The following GNG4 variants were observed in gnomAD, a reference collection of about 807,000 sequenced individuals.
GNG4 encodes guanine nucleotide-binding protein G(I)/G(S)/G(O) subunit gamma-4.
GNG4 carries 4 observed loss-of-function variants against 5.8 expected under a neutral mutation model. The ratio of observed to expected loss-of-function variants is 0.69; its 90% CI spans 0.34 to 1.57. The LOEUF (loss-of-function observed/expected upper bound fraction) is 1.57, where lower values mean the gene tolerates loss of function less well. Ranked by LOEUF, GNG4 falls within the 40% of genes most tolerant of loss-of-function variation. The pLI is 0.06. For missense variants in GNG4, 96 were observed against 95.1 expected (o/e 1.01, Z -0.04); for synonymous variants, 29 against 32.9 (o/e 0.88, Z 0.41).
intron 1 of GNG4, among the ~76,000 whole-genome samples, chr1:235,632,476 A>C (rs148651469): frequency 9.8e-5 from 15 of 152,360 alleles, no homozygotes; most frequent in South Asian, 2.1e-4. Context: ...CCTTACAAGT[A>C]CAAACAGAGA....
intron 3 of GNG4, among the ~76,000 whole-genome samples, chr1:235,579,963 C>T (rs146141154): frequency 1.5e-3 from 226 of 152,146 alleles, no homozygotes; most frequent in African/African-American, 5.3e-3. Flanking sequence ...ACCTGCACAC[C>T]CATGTTCCTA....
At chr1:235,624,706 G>C (rs961993515) in intron 1 of GNG4, among the ~76,000 whole-genome samples, 1 of 152,110 alleles carries the variant, frequency 6.6e-6, no homozygotes. Flanking sequence ...GTGCAATTTT[G>C]CTTCTCATTT....
At chr1:235,624,988 C>T (rs1688780211) in intron 1 of GNG4, among the ~76,000 whole-genome samples, 1 of 152,178 alleles carries the variant, frequency 6.6e-6, no homozygotes, top group Non-Finnish European at 1.5e-5. Context: ...GGAACCACAG[C>T]CTGCTGAGGA....
chr1:235,614,640 G>A (rs987870318), intron 1 of GNG4: 8 of 152,422 alleles, frequency 5.2e-5, no homozygotes, highest in African/African-American at 1.9e-4. Flanking sequence ...GCTGCATGGG[G>A]GTGGCTGCTG....
chr1:235,643,670 T>C (rs540625991), intron 1 of GNG4, among the ~76,000 whole-genome samples: 2 of 152,256 alleles, frequency 1.3e-5, no homozygotes, highest in African/African-American at 2.4e-5. Flanking sequence ...AGTCCTTCCA[T>C]AGCACCCAGT....
At chr1:235,628,993 A>ATTTTTTTTTTTTTTTTTTTTGTT (rs1054950474) in intron 1 of GNG4, among the ~76,000 whole-genome samples, 1 of 118,364 alleles carries the variant, frequency 8.4e-6, no homozygotes. Flanking sequence ...ATTTGCTTGA[A>ATTTTTTTTTTTTTTTTTTTTGTT]TTTTTTTTTT....
intron 3 of GNG4, among the ~76,000 whole-genome samples, chr1:235,580,898 A>G (rs1397441854): frequency 1.3e-5 from 2 of 151,890 alleles, no homozygotes; most frequent in Non-Finnish European, 2.9e-5. Flanking sequence ...TTACAGGCAC[A>G]CGTCACCAGA....
At chr1:235,632,438 G>A (rs1198737883) in intron 1 of GNG4, among the ~76,000 whole-genome samples, 2 of 152,192 alleles carry the variant, frequency 1.3e-5, no homozygotes, top group Non-Finnish European at 2.9e-5. Flanking sequence ...TGCAAAATGA[G>A]CTCCCAGAAA....
intron 1 of GNG4, chr1:235,616,159 G>C (rs369325212): frequency 4.1e-5 from 21 of 513,534 alleles, no homozygotes; most frequent in African/African-American, 3.5e-4. Context: ...ATGTGGGTCT[G>C]GCCTTTGGCA....
chr1:235,583,524 T>C (rs541021757), intron 3 of GNG4, among the ~76,000 whole-genome samples: 3 of 152,368 alleles, frequency 2.0e-5, no homozygotes, highest in South Asian at 4.1e-4. Context: ...AGACTCCTTA[T>C]GGAATTCATG....
intron 3 of GNG4, among the ~76,000 whole-genome samples, chr1:235,582,286 T>A (rs1687656657): frequency 6.6e-6 from 1 of 152,216 alleles, no homozygotes; most frequent in Non-Finnish European, 1.5e-5. Flanking sequence ...TCCGCACCTG[T>A]GTGCATGGCG....
chr1:235,611,308 C>T (rs1688471405), intron 1 of GNG4, among the ~76,000 whole-genome samples: 1 of 151,922 alleles, frequency 6.6e-6, no homozygotes, highest in Admixed American at 6.6e-5. Context: ...GCTGAGACTA[C>T]AGGTGTGTGC....
chr1:235,631,659 C>G (rs575729409), intron 1 of GNG4, among the ~76,000 whole-genome samples: 3 of 151,884 alleles, frequency 2.0e-5, no homozygotes, highest in Admixed American at 6.6e-5. Flanking sequence ...CAACCTCCTC[C>G]TGGGTTCAAG....
intron 1 of GNG4, among the ~76,000 whole-genome samples, chr1:235,627,694 C>T (rs1218966813): frequency 6.6e-6 from 1 of 152,148 alleles, no homozygotes; most frequent in Non-Finnish European, 1.5e-5. Flanking sequence ...TTACAATGGC[C>T]TCTCCCCAGG....
intron 2 of GNG4, among the ~76,000 whole-genome samples, chr1:235,587,996 G>A (rs1687865869): frequency 6.6e-6 from 1 of 151,712 alleles, no homozygotes; most frequent in African/African-American, 2.4e-5. Context: ...ACGTTACCGG[G>A]GAAAGCAGCA....
Position 235,593,914 on chromosome 1 carries a change from C to G in GNG4, c.-11+1486G>C, listed in dbSNP as rs138200940. On this transcript the variant is annotated intron_variant, in intron 2 of 3. Coordinates refer to ENST00000391854, the MANE Select transcript of GNG4 (RefSeq NM_001098722.2). ...GAGCAAAAGAACAAAGCCTGCACAG[C>G]GTGCATGGGGACCCAAGCAGATTAC... is the stretch of plus-strand genomic sequence containing the variant. Among the ~76,000 whole-genome samples, 324 of 152,276 alleles carry G rather than the reference C, an allele frequency of 2.1e-3. 1 individual carries two copies. Among genetic ancestry groups the G allele is most frequent in the Middle Eastern group, 6.8e-3 (2 of 294 alleles).
chr1:235,595,797 G>A (rs1035058151), intron 1 of GNG4, among the ~76,000 whole-genome samples: 2 of 152,148 alleles, frequency 1.3e-5, no homozygotes, highest in African/African-American at 2.4e-5. Flanking sequence ...ATGCCCAGTC[G>A]CTCTGCCCCC....
intron 1 of GNG4, among the ~76,000 whole-genome samples, chr1:235,613,036 C>T (rs1688514331): frequency 6.6e-6 from 1 of 151,934 alleles, no homozygotes; most frequent in Non-Finnish European, 1.5e-5. Flanking sequence ...GGCTCTGCCC[C>T]CATGATCTAA....
intron 2 of GNG4, among the ~76,000 whole-genome samples, chr1:235,586,360 CTG>C (rs1020613869): frequency 1.6e-4 from 25 of 151,846 alleles, no homozygotes; most frequent in Admixed American, 7.9e-4. Context: ...TTGTGCCAGT[CTG>C]TGTGTGGCCA....
Sources: allele counts gnomAD v4.1 joint callset (sites outside exome capture counted in the v4.1 genomes callset), GRCh38; gene constraint gnomAD v4.1.1; transcripts MANE v1.5; gene names NCBI Gene and HGNC (gene_info 2026-07-23, HGNC 2026-07-21).